Variants in TRANK1 observed in about 807,000 individuals in gnomAD.
TRANK1 encodes the protein tetratricopeptide repeat and ankyrin repeat containing 1.
A neutral mutation model predicts 266.0 loss-of-function variants in TRANK1; 198 were observed. That is an observed-to-expected ratio of 0.74 (90% CI 0.66 to 0.84). The LOEUF is 0.84. Among genes scored for constraint, TRANK1 ranks in the 40% least tolerant of loss-of-function variants. TRANK1 has a pLI of 0.00. For missense variants in TRANK1, 3,326 were observed against 3,634.6 expected (o/e 0.92, Z 2.18); for synonymous variants, 1,396 against 1,384.1 (o/e 1.01, Z -0.19).
chr3:36,855,300 C>T lies in TRANK1; in HGVS notation c.4422G>A (p.Val1474=), dbSNP rs2079036401. 1 of 1,614,032 alleles carries T rather than the reference C, an allele frequency of 6.2e-7. No homozygotes were observed. Residue 1474 remains valine (V), a synonymous_variant, in exon 13 of 24, where the codon GTG becomes GTA. Transcript: ENST00000645898. ...GDTAQSIMKG[V]AFRFSDLRSL... ...AGCGCAGATCGCTGAAGCGGAAGGC[C>T]ACGCCCTTCATGATGCTCTGGGCCG...
intron 8 of TRANK1, among the ~76,000 whole-genome samples, chr3:36,879,910 G>GTAAATATA (rs1559449325): frequency 3.0e-3 from 50 of 16,884 alleles, no homozygotes; most frequent in Non-Finnish European, 4.0e-3. Flanking sequence ...ATGTAAACAT[G>GTAAATATA]CAAATATATG....
chr3:36,909,319 G>A (rs1045096084), intron 1 of TRANK1, among the ~76,000 whole-genome samples: 3 of 152,224 alleles, frequency 2.0e-5, no homozygotes, highest in Non-Finnish European at 4.4e-5. Context: ...ATTTTCTCCA[G>A]TGTGGCCTGG....
chr3:36,895,249 AG>A (rs1444958643), intron 5 of TRANK1, among the ~76,000 whole-genome samples: 1 of 152,130 alleles, frequency 6.6e-6, no homozygotes, highest in African/African-American at 2.4e-5. Flanking sequence ...CCCAAATGTT[AG>A]CAGCCCCTCA....
At chr3:36,859,163 C>A (rs576216658) in intron 11 of TRANK1, among the ~76,000 whole-genome samples, 1 of 152,296 alleles carries the variant, frequency 6.6e-6, no homozygotes, top group South Asian at 2.1e-4. Context: ...TCCCACCATT[C>A]CCACTGTCCT....
intron 15 of TRANK1, chr3:36,851,111 A>G: frequency 1.0e-6 from 1 of 985,566 alleles, no homozygotes; most frequent in Non-Finnish European, 1.2e-6. Flanking sequence ...TCAGGAGCCA[A>G]GTGAAAGCAG....
Position 36,875,041 on chromosome 3 carries a change from C to T in TRANK1, c.908-745G>A, listed in dbSNP as rs539512511. ...AAAAAAAAGAATTAAGTCATATTTCCCACCCATCGAGAATCTCACTGTGGT... is the reference window on the plus strand; with the variant it reads ...AAAAAAAAGAATTAAGTCATATTTCTCACCCATCGAGAATCTCACTGTGGT... On this transcript the variant is annotated intron_variant, in intron 8 of 23. Coordinates refer to ENST00000645898, the MANE Select transcript of TRANK1 (RefSeq NM_001329998.2). 8.5e-5 allele frequency among the ~76,000 whole-genome samples: 13 copies of T among 152,182 alleles called. No individual in the cohort carries two copies. In the South Asian group the frequency reaches 2.7e-3, roughly 32 times the overall value.
In TRANK1 at chr3:36,893,843, A is replaced by G. The variant is rs2079747193; in HGVS notation, c.553-859T>C. ...ACTTAGGACCACAGGAACTGAGCCC[A>G]TGGCCACATCTCACTTCTAGTTTCT... On this transcript the variant is annotated intron_variant, in intron 5 of 23. Coordinates refer to ENST00000645898, the MANE Select transcript of TRANK1 (RefSeq NM_001329998.2). Among the ~76,000 whole-genome samples, 3 of 151,052 alleles carry G rather than the reference A, an allele frequency of 2.0e-5. No homozygotes were observed. In the South Asian group the frequency reaches 6.3e-4, roughly 32 times the overall value.
chr3:36,838,598 T>A lies in TRANK1; in HGVS notation c.5384+15A>T, dbSNP rs373089249. 5.6e-6 allele frequency: 9 copies of A among 1,613,796 alleles called. No homozygotes were observed. Among genetic ancestry groups the A allele is most frequent in the African/African-American group, 2.7e-5 (2 of 74,932 alleles). ...TCCCATCGGAGCAAACCAGAAGTGA[T>A]CCCAAGACTCTTACTTGGGGCTGAC... On this transcript the variant is annotated intron_variant, in intron 19 of 23. Transcript: ENST00000645898.
intron 1 of TRANK1, among the ~76,000 whole-genome samples, chr3:36,942,137 G>C (rs750680039): frequency 3.9e-5 from 6 of 152,154 alleles, no homozygotes; most frequent in African/African-American, 1.4e-4. Context: ...AATAATGAGG[G>C]CATATACTAT....
intron 6 of TRANK1, 75 bp downstream of exon 6, chr3:36,892,826 T>TCAAAA (rs1318280243): frequency 7.6e-5 from 47 of 615,690 alleles, no homozygotes; most frequent in African/African-American, 4.3e-4. Context: ...AGACTCAGTC[T>TCAAAA]CAAAACAAAA....
chr3:36,944,985 C>G lies in TRANK1; in HGVS notation c.-176G>C. On this transcript the variant is annotated 5_prime_UTR_variant, in exon 1 of 24. Coordinates refer to ENST00000645898, the MANE Select transcript of TRANK1 (RefSeq NM_001329998.2). ...AGCTGCCTGCGGCTCGGCTACCCAGCCGCGATCAGAGGGGGCGGGGGACGC... is the reference window on the plus strand; with the variant it reads ...AGCTGCCTGCGGCTCGGCTACCCAGGCGCGATCAGAGGGGGCGGGGGACGC... The G allele has an allele frequency of 1.8e-6, 1 of 543,706 alleles. No homozygotes were observed. The highest frequency in any genetic ancestry group is 4.4e-5 in the Admixed American group (1 of 22,734). 33.7% of individuals were successfully genotyped at this position (543,706 alleles called of 1,614,324 possible). A position where few individuals can be genotyped will look rare whatever the true frequency, so the allele number is the denominator to read the frequency against.
chr3:36,889,920 G>T lies in TRANK1; in HGVS notation c.816C>A (p.Pro272=). ...HLFRWLMDHK[P]EWKGRINQKD... ...TCTGGTTAATGCGGCCTTTCCACTCGGGCTTGTGATCCATTAACCACCGGA... is the reference window on the plus strand; with the variant it reads ...TCTGGTTAATGCGGCCTTTCCACTCTGGCTTGTGATCCATTAACCACCGGA... Residue 272 remains proline, a synonymous_variant, in exon 8 of 24, where the codon CCC becomes CCA. Transcript: ENST00000645898. 1 of 1,537,088 alleles carries T rather than the reference G, an allele frequency of 6.5e-7. No homozygotes were observed. The highest frequency in any genetic ancestry group is 8.7e-7 in the Non-Finnish European group (1 of 1,146,870).
chr3:36,870,962 T>TAAAAAAAAAAAA (rs563787088), intron 9 of TRANK1, among the ~76,000 whole-genome samples: 76 of 65,078 alleles, frequency 1.2e-3, no homozygotes, highest in Admixed American at 3.0e-3. Flanking sequence ...ACAAGGAAAC[T>TAAAAAAAAAAAA]AAAAAAAAAA....
chr3:36,894,298 G>A (rs1304348578), intron 5 of TRANK1, among the ~76,000 whole-genome samples: 1 of 152,204 alleles, frequency 6.6e-6, no homozygotes, highest in African/African-American at 2.4e-5. Flanking sequence ...TTCCCTGAGT[G>A]CAGTAAATTA....
rs1484821274 is a variant in TRANK1, at chr3:36,904,652, C to T, written c.156-1377G>A. 3.3e-5 allele frequency among the ~76,000 whole-genome samples: 5 copies of T among 152,174 alleles called. No individual in the cohort carries two copies. In the East Asian group the frequency reaches 7.7e-4, roughly 23 times the overall value. Reference sequence around the variant, plus strand: ...AAGGAAAAATCACCTCCATTACTGTCCCCACCCTCGATGTTTTGTGTCTGG... The same window carrying T: ...AAGGAAAAATCACCTCCATTACTGTTCCCACCCTCGATGTTTTGTGTCTGG... On this transcript the variant is annotated intron_variant, in intron 2 of 23. Transcript: ENST00000645898.
Position 36,892,850 on chromosome 3 carries a change from A to T in TRANK1, c.636+51T>A, listed in dbSNP as rs1230571880. The T allele has an allele frequency of 7.0e-6, 5 of 711,786 alleles. No individual in the cohort carries two copies. In the African/African-American group the frequency reaches 8.1e-5, roughly 12 times the overall value. 44.1% of individuals were successfully genotyped at this position (711,786 alleles called of 1,614,324 possible). A position where few individuals can be genotyped will look rare whatever the true frequency, so the allele number is the denominator to read the frequency against. On this transcript the variant is annotated intron_variant, in intron 6 of 23. Transcript: ENST00000645898. ...CTCAAAACAAAACAAAACAAAACAA[A>T]ACATATATATATATATATATAGATA...
rs769414394 is a variant in TRANK1 at position 36,857,711 on chromosome 3, T to C, written c.2011A>G (p.Thr671Ala). 5.0e-6 allele frequency: 8 copies of C among 1,614,020 alleles called. No homozygotes were observed. The South Asian group carries it at 7.7e-5, about 16-fold the overall frequency. Reference protein sequence around the residue: ...AAHLGKLSKSTAPGHTSQLKS... With the variant: ...AAHLGKLSKSAAPGHTSQLKS... ...AGCTGAGATGTGTGACCAGGGGCAGTGGACTTTGAGAGCTTCCCCAGGTGG... is the reference window on the plus strand; with the variant it reads ...AGCTGAGATGTGTGACCAGGGGCAGCGGACTTTGAGAGCTTCCCCAGGTGG... Residue 671 changes from threonine (T) to alanine (A), a missense_variant, in exon 13 of 24, where the codon ACT (threonine) becomes GCT (alanine). By Grantham distance (58) the Thr-to-Ala change is moderately conservative (BLOSUM62 0). Transcript: ENST00000645898. This position sits in a 1 kb window ranked among gnomAD's most constrained non-coding sequence, Gnocchi z 4.3.
At chr3:36,900,851 C>CAAAAAAAAACAAAAA (rs2079866110) in intron 3 of TRANK1, among the ~76,000 whole-genome samples, 1 of 63,008 alleles carries the variant, frequency 1.6e-5, no homozygotes, top group African/African-American at 5.5e-5. Context: ...GACCCTGTCT[C>CAAAAAAAAACAAAAA]AAAAAAAAAA....
chr3:36,851,656 C>T, intron 15 of TRANK1, 63 bp downstream of exon 15: 1 of 1,541,994 alleles, frequency 6.5e-7, no homozygotes, highest in South Asian at 1.3e-5. Flanking sequence ...ATTCTCTTCC[C>T]CAGAGGGAAG....
Sources: gnomAD v4.1 joint callset for allele counts (sites outside exome capture counted in the v4.1 genomes callset) on GRCh38, gnomAD v4.1.1 for gene constraint, Gnocchi (gnomAD v3.1) non-coding constraint, MANE v1.5 for transcripts, NCBI Gene and HGNC (gene_info 2026-07-23, HGNC 2026-07-21) for gene names.